Variants in SIPA1L2 observed in about 807,000 individuals in gnomAD.
SIPA1L2 encodes the protein signal induced proliferation associated 1 like 2.
SIPA1L2 carries 56 observed loss-of-function variants against 163.9 expected under a neutral mutation model. The ratio of observed to expected loss-of-function variants is 0.34; its 90% confidence interval spans 0.28 to 0.43. The LOEUF (loss-of-function observed/expected upper bound fraction) is 0.43, where lower values mean the gene tolerates loss of function less well. Among genes scored for constraint, SIPA1L2 ranks in the 20% least tolerant of loss-of-function variants. SIPA1L2 has a pLI of 1.00. For synonymous variants in SIPA1L2, 877 were observed against 865.7 expected (o/e 1.01, Z -0.23); for missense variants, 1,974 against 2,193.5 (o/e 0.90, Z 2.00).
At chr1:232,613,508 A>T (rs1662356491) in intron 1 of SIPA1L2, among the ~76,000 whole-genome samples, 1 of 152,168 alleles carries the variant, frequency 6.6e-6, no homozygotes, top group Admixed American at 6.5e-5. Context: ...AGCATTCTAT[A>T]CATTCTCTGA....
rs187940138 is a variant in SIPA1L2 at position 232,584,248 on chromosome 1, C to T, written c.-318-10026G>A. Among the ~76,000 whole-genome samples the T allele has an allele frequency of 2.5e-3, 380 of 151,902 alleles. 2 individuals carry two copies. The highest frequency in any genetic ancestry group is 8.2e-3 in the African/African-American group (341 of 41,442). On this transcript the variant is annotated intron_variant, in intron 1 of 22. Coordinates refer to ENST00000674635, the MANE Select transcript of SIPA1L2 (RefSeq NM_020808.5). ...TTAGTCCAATCTTTTTTTTTTTAGA[C>T]GGAGTCTCACTCTATCAGCAGGCTG...
chr1:232,425,833 A>C (rs774897508), intron 17 of SIPA1L2, 25 bp from the exon 18 acceptor site: 1 of 1,602,240 alleles, frequency 6.2e-7, no homozygotes, highest in African/African-American at 1.3e-5. Flanking sequence ...AGGTGCGAGG[A>C]GGGAACAGAC....
At chr1:232,456,211 T>C (rs1221433232) in intron 10 of SIPA1L2, among the ~76,000 whole-genome samples, 1 of 152,200 alleles carries the variant, frequency 6.6e-6, no homozygotes, top group Non-Finnish European at 1.5e-5. Flanking sequence ...CAGCCCACCA[T>C]TTATTTTATA....
intron 5 of SIPA1L2, among the ~76,000 whole-genome samples, chr1:232,486,280 C>A (rs952728079): frequency 2.0e-5 from 3 of 152,192 alleles, no homozygotes; most frequent in African/African-American, 7.2e-5. Context: ...TGTGAACTCT[C>A]ATTCAGGCAA....
chr1:232,435,401 T>C (rs1662497745), intron 15 of SIPA1L2, among the ~76,000 whole-genome samples: 1 of 152,220 alleles, frequency 6.6e-6, no homozygotes. Flanking sequence ...TAATTCCTTG[T>C]TTAGTAGCAG....
chr1:232,455,684 C>T (rs1389872120), intron 10 of SIPA1L2, among the ~76,000 whole-genome samples: 5 of 136,064 alleles, frequency 3.7e-5, no homozygotes, highest in African/African-American at 1.4e-4. Flanking sequence ...CACTGCACTC[C>T]AGCCTGGGCA....
chr1:232,572,150 T>C (rs1659765935), intron 2 of SIPA1L2, among the ~76,000 whole-genome samples: 1 of 152,096 alleles, frequency 6.6e-6, no homozygotes, highest in Admixed American at 6.5e-5. Flanking sequence ...CTGTTTCCCA[T>C]AGTACTCCAA....
intron 16 of SIPA1L2, among the ~76,000 whole-genome samples, chr1:232,430,419 C>T (rs1390380553): frequency 6.6e-6 from 1 of 152,190 alleles, no homozygotes; most frequent in African/African-American, 2.4e-5. Flanking sequence ...AGTAGGGCTT[C>T]CACAATATGA....
intron 1 of SIPA1L2, among the ~76,000 whole-genome samples, chr1:232,606,873 A>G (rs1409558905): frequency 6.6e-6 from 1 of 151,974 alleles, no homozygotes; most frequent in Non-Finnish European, 1.5e-5. Flanking sequence ...ACATGTACCA[A>G]AAACATATCT....
At chr1:232,541,183 C>T (rs1300713092) in intron 2 of SIPA1L2, among the ~76,000 whole-genome samples, 1 of 152,034 alleles carries the variant, frequency 6.6e-6, no homozygotes, top group African/African-American at 2.4e-5. Flanking sequence ...GTGCAGCAAA[C>T]CACTATGGCA....
At chr1:232,492,124 A>G (rs193055170) in intron 4 of SIPA1L2, among the ~76,000 whole-genome samples, 74 of 152,310 alleles carry the variant, frequency 4.9e-4, no homozygotes, top group Admixed American at 4.8e-3. Context: ...ACTTATACCT[A>G]GAATAGAGCC....
intron 1 of SIPA1L2, among the ~76,000 whole-genome samples, chr1:232,612,191 G>C (rs1410082800): frequency 3.9e-5 from 6 of 152,348 alleles, no homozygotes; most frequent in South Asian, 2.1e-4. Context: ...CAAATACCTG[G>C]ATAACCAGGC....
intron 2 of SIPA1L2, among the ~76,000 whole-genome samples, chr1:232,516,638 T>A (rs1045791067): frequency 2.0e-5 from 3 of 152,220 alleles, no homozygotes; most frequent in Non-Finnish European, 4.4e-5. Context: ...AAATTTTTTT[T>A]TTTTTTATGG....
chr1:232,492,636 T>C (rs528894886), intron 4 of SIPA1L2, among the ~76,000 whole-genome samples: 10 of 152,360 alleles, frequency 6.6e-5, no homozygotes, highest in African/African-American at 1.9e-4. Context: ...GTCCTCAATG[T>C]AACAAAGCGT....
intron 1 of SIPA1L2, among the ~76,000 whole-genome samples, chr1:232,600,351 G>A (rs771564391): frequency 6.6e-6 from 1 of 152,072 alleles, no homozygotes; most frequent in African/African-American, 2.4e-5. Context: ...TCCCTAATAA[G>A]TTATAGCCAA....
Position 232,439,219 on chromosome 1 carries a change from T to C in SIPA1L2, c.3920A>G (p.Asp1307Gly). Residue 1307 changes from aspartate to glycine, a missense_variant, in exon 15 of 23, where the codon GAC becomes GGC. Asp to Gly is a moderately conservative substitution (Grantham distance 94, BLOSUM62 -1). Transcript: ENST00000674635. ...WADAADVSGP[D>G]DEPAKLYSVH... The stretch of plus-strand genomic sequence containing the variant: ...AGAATATAACTTGGCTGGCTCGTCG[T>C]CAGGCCCAGAGACGTCGGCAGCATC... 1 of 1,613,840 alleles carries C rather than the reference T, an allele frequency of 6.2e-7. No homozygotes were observed. The highest frequency in any genetic ancestry group is 1.3e-5 in the African/African-American group (1 of 75,078).
At chr1:232,466,862 T>C (rs989059636) in intron 8 of SIPA1L2, among the ~76,000 whole-genome samples, 2 of 152,124 alleles carry the variant, frequency 1.3e-5, no homozygotes, top group African/African-American at 4.8e-5. Flanking sequence ...ATGAATGGAT[T>C]CTGTATCACT....
chr1:232,618,316 C>G (rs1040415786), intron 1 of SIPA1L2, among the ~76,000 whole-genome samples: 1 of 152,254 alleles, frequency 6.6e-6, no homozygotes, highest in African/African-American at 2.4e-5. Context: ...TCAGGCGAGG[C>G]GAGCTCTTTT....
intron 3 of SIPA1L2, among the ~76,000 whole-genome samples, chr1:232,509,153 T>C (rs994513989): frequency 9.2e-5 from 14 of 152,240 alleles, no homozygotes; most frequent in Non-Finnish European, 1.9e-4. Context: ...GCAAGCGATG[T>C]TGTCACACAG....
Sources: allele counts gnomAD v4.1 joint callset (sites outside exome capture counted in the v4.1 genomes callset), GRCh38; gene constraint gnomAD v4.1.1; transcripts MANE v1.5; gene names NCBI Gene and HGNC (gene_info 2026-07-23, HGNC 2026-07-21).